PYCR1: variants seen among roughly 807,000 people sequenced by gnomAD.
The protein encoded by PYCR1 is pyrroline-5-carboxylate reductase 1.
Under a neutral mutation model 22.9 loss-of-function variants are expected in PYCR1, and 19 were observed. The observed-to-expected ratio is 0.83, with a 90% confidence interval of 0.58 to 1.22. The LOEUF is 1.22. Among genes scored for constraint, PYCR1 ranks in the 50% most tolerant of loss-of-function variants. The pLI, the probability that PYCR1 is intolerant of heterozygous loss-of-function variation, is 0.00. For missense variants in PYCR1, 429 were observed against 431.3 expected (o/e 0.99, Z 0.05); for synonymous variants, 175 against 180.5 (o/e 0.97, Z 0.24).
In PYCR1 at chr17:81,932,943, G is replaced by A. The variant is rs549650865; in HGVS notation, c.*271C>T. The A allele has an allele frequency of 1.4e-5, 23 of 1,611,804 alleles. No homozygotes were observed. The highest frequency in any genetic ancestry group is 5.3e-5 in the African/African-American group (4 of 75,040). ...GTGGGTGAAGACCCTCCGGGCTCCC[G>A]AGCTCTAGAGGAAGGTGGTCCTGAC... On this transcript the variant is annotated 3_prime_UTR_variant, in exon 7 of 7. Coordinates refer to ENST00000329875, the MANE Select transcript of PYCR1 (RefSeq NM_006907.4).
rs910291212 is a variant in PYCR1 at position 81,937,269 on chromosome 17, C to T, written c.-455G>A. ...TGCGCGGGTCGTACCCACCCCTCAG[C>T]GCTGCGGCCGCCACGCGGCACCCGC... On this transcript the variant is annotated 5_prime_UTR_variant, in exon 1 of 7. Transcript: ENST00000329875. The T allele has an allele frequency of 5.8e-6, 7 of 1,214,552 alleles. No homozygotes were observed. In the Admixed American group the frequency reaches 1.3e-4, roughly 22 times the overall value. The allele number at this position is 1,214,552 out of a possible 1,614,324, so 75.2% of individuals were successfully genotyped here. A position where few individuals can be genotyped will look rare whatever the true frequency, so the allele number is the denominator to read the frequency against.
At chr17:81,933,418 C>G in intron 6 of PYCR1, 42 bp from the exon 7 acceptor site, 1 of 1,609,538 alleles carries the variant, frequency 6.2e-7, no homozygotes, top group Non-Finnish European at 8.5e-7. Flanking sequence ...CACAAGCGTG[C>G]ACCCAGGAAG....
In PYCR1 at chr17:81,932,662, C is replaced by T; in HGVS notation, c.*552G>A. ...TGGCCACAGAAGTTCACCAGCAGCC[C>T]AAGGAGCCCTTTCCCCAAATGTCCA... On this transcript the variant is annotated 3_prime_UTR_variant, in exon 7 of 7. Coordinates refer to ENST00000329875, the MANE Select transcript of PYCR1 (RefSeq NM_006907.4). 1 of 661,336 alleles carries T rather than the reference C, an allele frequency of 1.5e-6. No individual in the cohort carries two copies. Among genetic ancestry groups the T allele is most frequent in the South Asian group, 1.9e-5 (1 of 53,858 alleles). 41.0% of individuals were successfully genotyped at this position (661,336 alleles called of 1,614,324 possible). A position where few individuals can be genotyped will look rare whatever the true frequency, so the allele number is the denominator to read the frequency against.
Position 81,934,378 on chromosome 17 carries a change from C to A in PYCR1, c.745G>T (p.Gly249Cys). The A allele has an allele frequency of 6.2e-7, 1 of 1,612,810 alleles. No individual in the cohort carries two copies. Among genetic ancestry groups the A allele is most frequent in the Middle Eastern group, 1.7e-4 (1 of 6,060 alleles). ...IHALHVLESG[G>C]FRSLLINAVE... is the part of the protein sequence containing the mutation. ...GCGTTGATGAGCAGGGAGCGGAAGCCCCCACTCTCCAGCACATGCAAGGCA... is the reference window on the plus strand; with the variant it reads ...GCGTTGATGAGCAGGGAGCGGAAGCACCCACTCTCCAGCACATGCAAGGCA... Residue 249 changes from glycine (G) to cysteine (C), a missense_variant, in exon 6 of 7, where the codon GGC becomes TGC. Coordinates refer to ENST00000329875, the MANE Select transcript of PYCR1 (RefSeq NM_006907.4).
chr17:81,934,158 C>T, intron 6 of PYCR1, 168 bp downstream of exon 6: 2 of 941,984 alleles, frequency 2.1e-6, no homozygotes, highest in South Asian at 1.4e-5. Flanking sequence ...TGGGGAGGGG[C>T]ACTGCCCACA....
At chr17:81,934,827 G>A (rs2041126352) in intron 4 of PYCR1, 82 bp from the exon 5 acceptor site, 5 of 1,544,718 alleles carry the variant, frequency 3.2e-6, no homozygotes, top group Non-Finnish European at 4.4e-6. Context: ...CCACAGCCTT[G>A]GAGCCCTCCA....
At position 81,934,332 on chromosome 17, in the gene PYCR1, C is replaced by T. The variant is rs746669423; in HGVS notation, c.791G>A (p.Arg264His). The change falls in exon 6 of 7, where the codon CGC (arginine) becomes CAC (histidine). Residue 264 changes from arginine (R) to histidine (H), a missense_variant. By Grantham distance (29) the Arg-to-His change is conservative. Coordinates refer to ENST00000329875, the MANE Select transcript of PYCR1 (RefSeq NM_006907.4). ...GGGCAGCGCGGGGGCCCACCGTGTG[C>T]GGATGCAGGAGGCCTCCACAGCGTT... ...LINAVEASCI[R>H]TRELQSMADQ... 7 of 1,612,696 alleles carry T rather than the reference C, an allele frequency of 4.3e-6. No homozygotes were observed. The highest frequency in any genetic ancestry group is 1.1e-5 in the South Asian group (1 of 90,946).
intron 3 of PYCR1, 62 bp from the exon 4 acceptor site, chr17:81,935,209 A>C (rs1334348700): frequency 7.2e-5 from 113 of 1,566,228 alleles, no homozygotes; most frequent in Non-Finnish European, 3.5e-6. Flanking sequence ...CACTCACCCC[A>C]CCAAGCAGTG....
In PYCR1 at chr17:81,937,230, CA is replaced by C; in HGVS notation, c.-417del. On this transcript the variant is annotated 5_prime_UTR_variant, in exon 1 of 7. Coordinates refer to ENST00000329875, the MANE Select transcript of PYCR1 (RefSeq NM_006907.4). ...GCCCACCATTCCCGGAGCCCGACCC[CA>C]ACCCAGCTACCGTGCGCGGGTCGTA... 6.9e-7 allele frequency: 1 copy of C among 1,459,778 alleles called. No individual in the cohort carries two copies. The highest frequency in any genetic ancestry group is 9.0e-7 in the Non-Finnish European group (1 of 1,109,276). The allele number at this position is 1,459,778 out of a possible 1,614,324, so 90.4% of individuals were successfully genotyped here. A position where few individuals can be genotyped will look rare whatever the true frequency, so the allele number is the denominator to read the frequency against.
In PYCR1 at chr17:81,936,136, A is replaced by G; in HGVS notation, c.125T>C (p.Val42Ala). Residue 42 changes from valine (V) to alanine (A), a missense_variant, in exon 2 of 7, where the codon GTT becomes GCT. Transcript: ENST00000329875. The stretch of plus-strand genomic sequence containing the variant: ...ATCTGCACCTACCCTGAGAGCAGAA[A>G]CTGTGGCCAGGTCCATGTCTGGGGA... ...ASSPDMDLAT[V>A]SALRKMGVKL... 6.2e-7 allele frequency: 1 copy of G among 1,613,882 alleles called. No individual in the cohort carries two copies. The highest frequency in any genetic ancestry group is 8.5e-7 in the Non-Finnish European group (1 of 1,179,882).
chr17:81,936,840 GC>G lies in PYCR1; in HGVS notation c.-27del. 3.1e-6 allele frequency: 5 copies of G among 1,599,286 alleles called. 1 individual carries two copies. The highest frequency in any genetic ancestry group is 4.3e-6 in the Non-Finnish European group (5 of 1,174,424). ...GCTGTCCGGAGACCCCTGGCCCAAA[GC>G]CCCCACAGATGGCACCGGCTCTGCG... On this transcript the variant is annotated 5_prime_UTR_variant, in exon 1 of 7. Coordinates refer to ENST00000329875, the MANE Select transcript of PYCR1 (RefSeq NM_006907.4).
intron 2 of PYCR1, 95 bp from the exon 3 acceptor site, chr17:81,935,611 T>TG: frequency 2.8e-6 from 2 of 715,936 alleles, no homozygotes; most frequent in Non-Finnish European, 4.4e-6. Context: ...CAGAGAATGC[T>TG]GGAGTTGGGG....
intron 6 of PYCR1, 64 bp downstream of exon 6, chr17:81,934,262 T>A: frequency 6.3e-7 from 1 of 1,594,646 alleles, no homozygotes. Flanking sequence ...AGCAGATGTG[T>A]GTGAGAGAGG....
At position 81,934,947 on chromosome 17, in the gene PYCR1, G is replaced by A. The variant is rs769049244; in HGVS notation, c.519C>T (p.Leu173=). ...TTACGTAGGCGGGGCCGCTGCCACT[G>A]AGCCCCGTGACGGCATCAATCAGGT... The part of the protein sequence containing the change: ...EEDLIDAVTG[L]SGSGPAYAFT... Residue 173 remains leucine (L), a synonymous_variant, in exon 4 of 7, where the codon CTC becomes CTT. Coordinates refer to ENST00000329875, the MANE Select transcript of PYCR1 (RefSeq NM_006907.4). 10 of 1,609,416 alleles carry A rather than the reference G, an allele frequency of 6.2e-6. No individual in the cohort carries two copies. In the South Asian group the frequency reaches 8.8e-5, roughly 14 times the overall value.
rs779989105 is a variant in PYCR1 at position 81,933,394 on chromosome 17, G to A, written c.798-18C>T. The stretch of plus-strand genomic sequence containing the variant: ...GCAGCTCCCTAGAGAGGCAGGGAGA[G>A]GTTGGCTTTGGAGCACAAGCGTGCA... On this transcript the variant is annotated intron_variant, in intron 6 of 6. Transcript: ENST00000329875. The A allele has an allele frequency of 6.2e-7, 1 of 1,613,052 alleles. No homozygotes were observed. The highest frequency in any genetic ancestry group is 8.5e-7 in the Non-Finnish European group (1 of 1,179,832).
Position 81,933,099 on chromosome 17 carries a change from G to C in PYCR1, c.*115C>G, listed in dbSNP as rs2041033953. The C allele has an allele frequency of 6.3e-7, 1 of 1,596,418 alleles. No homozygotes were observed. Among genetic ancestry groups the C allele is most frequent in the East Asian group, 2.2e-5 (1 of 44,560 alleles). ...TGGCCCCTCCCTGGCTATGTCCCTGGCTGGCCCCTGCGCTGATCAGAGCCA... is the reference window on the plus strand; with the variant it reads ...TGGCCCCTCCCTGGCTATGTCCCTGCCTGGCCCCTGCGCTGATCAGAGCCA... On this transcript the variant is annotated 3_prime_UTR_variant, in exon 7 of 7. Coordinates refer to ENST00000329875, the MANE Select transcript of PYCR1 (RefSeq NM_006907.4).
chr17:81,936,890 G>T lies in PYCR1; in HGVS notation c.-76C>A. 1.3e-6 allele frequency: 2 copies of T among 1,556,830 alleles called. No homozygotes were observed. The highest frequency in any genetic ancestry group is 8.7e-7 in the Non-Finnish European group (1 of 1,151,962). On this transcript the variant is annotated 5_prime_UTR_variant, in exon 1 of 7. Transcript: ENST00000329875. Reference sequence around the variant, plus strand: ...CGGGACGAGACCGGCAGGATCGAGAGCAAGTTAGGGGGGCAGTGCCAGCCT... The same window carrying T: ...CGGGACGAGACCGGCAGGATCGAGATCAAGTTAGGGGGGCAGTGCCAGCCT...
rs121918378 is a variant in PYCR1 at position 81,934,371 on chromosome 17, C to T, written c.752G>A (p.Arg251His). ...CTCCACAGCGTTGATGAGCAGGGAG[C>T]GGAAGCCCCCACTCTCCAGCACATG... is the stretch of plus-strand genomic sequence containing the variant. ...ALHVLESGGF[R>H]SLLINAVEAS... The change falls in exon 6 of 7, where the codon CGC becomes CAC. Residue 251 changes from arginine (R) to histidine (H), a missense_variant. Coordinates refer to ENST00000329875, the MANE Select transcript of PYCR1 (RefSeq NM_006907.4). The T allele has an allele frequency of 2.0e-5, 33 of 1,612,666 alleles. No individual in the cohort carries two copies. Among genetic ancestry groups the T allele is most frequent in the African/African-American group, 1.9e-4 (14 of 74,922 alleles).
At position 81,935,438 on chromosome 17, in the gene PYCR1, G is replaced by A; in HGVS notation, c.217C>T (p.His73Tyr). ...TCATCCAGGATGAAGGGGATGATGT[G>A]TGGCTTCACAGCCAGGAAGAGCACA... Reference protein sequence around the residue: ...SDVLFLAVKPHIIPFILDEIG... With the variant: ...SDVLFLAVKPYIIPFILDEIG... Residue 73 changes from histidine (H) to tyrosine (Y), a missense_variant, in exon 3 of 7, where the codon CAC (histidine) becomes TAC (tyrosine). Coordinates refer to ENST00000329875, the MANE Select transcript of PYCR1 (RefSeq NM_006907.4). 1.2e-6 allele frequency: 2 copies of A among 1,613,642 alleles called. No homozygotes were observed. The highest frequency in any genetic ancestry group is 8.5e-7 in the Non-Finnish European group (1 of 1,179,950).
Sources: allele counts gnomAD v4.1 joint callset, GRCh38; gene constraint gnomAD v4.1.1; transcripts MANE v1.5; gene names NCBI Gene and HGNC (gene_info 2026-07-23, HGNC 2026-07-21).